The following PML variants were observed in gnomAD, a reference collection of about 807,000 sequenced individuals.
PML encodes protein PML.
In PML, 28 loss-of-function variants were observed where a neutral mutation model predicts 65.2. That is an observed-to-expected ratio of 0.43 (90% CI 0.32 to 0.59). PML has a LOEUF of 0.59. Ranked by LOEUF, PML falls within the 20% of genes least tolerant of loss-of-function variation. The pLI is 0.08. For missense variants in PML, 1,021 were observed against 1,203.4 expected, an observed-to-expected ratio of 0.85 and a Z score of 2.24; for synonymous variants, 500 against 508.8, an observed-to-expected ratio of 0.98 and a Z score of 0.23.
chr15:74,033,789 C>T (rs1259367466), intron 6 of PML: 1 of 574,916 alleles, frequency 1.7e-6, no homozygotes, highest in Non-Finnish European at 3.1e-6. Flanking sequence ...ATGACCTTAA[C>T]TCTGCTCTCT....
At chr15:74,031,917 C>T (rs566028403) in intron 4 of PML, among the ~76,000 whole-genome samples, 2 of 152,166 alleles carry the variant, frequency 1.3e-5, no homozygotes, top group Non-Finnish European at 2.9e-5. Flanking sequence ...ATTATTCCCA[C>T]TTTATAGAGG....
At chr15:74,015,238 C>T (rs1347421843) in intron 2 of PML, among the ~76,000 whole-genome samples, 2 of 152,176 alleles carry the variant, frequency 1.3e-5, no homozygotes, top group Non-Finnish European at 2.9e-5. Context: ...CTAGAATTAC[C>T]CATCTCCTCT....
chr15:74,005,702 C>T (rs1323741110), intron 2 of PML, among the ~76,000 whole-genome samples: 4 of 152,004 alleles, frequency 2.6e-5, no homozygotes, highest in Non-Finnish European at 5.9e-5. Context: ...CTGAAAAACA[C>T]AGTTGGCATT....
chr15:74,003,973 G>A (rs778328256), intron 2 of PML, among the ~76,000 whole-genome samples: 1 of 152,196 alleles, frequency 6.6e-6, no homozygotes, highest in Non-Finnish European at 1.5e-5. Flanking sequence ...CATAATCACA[G>A]TGCTTTCACC....
intron 2 of PML, among the ~76,000 whole-genome samples, chr15:74,002,859 C>T (rs1238405085): frequency 1.3e-5 from 2 of 152,086 alleles, no homozygotes; most frequent in African/African-American, 4.8e-5. Context: ...GATGTGGTGG[C>T]TTCCACCTGT....
At chr15:74,032,185 T>C (rs1419492757) in intron 4 of PML, among the ~76,000 whole-genome samples, 1 of 152,114 alleles carries the variant, frequency 6.6e-6, no homozygotes, top group Non-Finnish European at 1.5e-5. Context: ...CTTCCAGCCC[T>C]GTTAGGACAC....
chr15:74,036,108 T>C (rs2071551064), intron 7 of PML: 1 of 1,613,130 alleles, frequency 6.2e-7, no homozygotes, highest in Non-Finnish European at 8.5e-7. Context: ...TGCATGGACC[T>C]CTGGGCAGGG....
At position 74,045,363 on chromosome 15, in the gene PML, C is replaced by G. The variant is rs1379230113; in HGVS notation, c.*355C>G. On this transcript the variant is annotated 3_prime_UTR_variant, in exon 9 of 9. Coordinates refer to ENST00000268058, the MANE Select transcript of PML (RefSeq NM_033238.3). ...CCTGCCACTACCTTGGGTGTCCTTA[C>G]AGCTCTGCCCTGACCCCAGCCCCTG... The G allele has an allele frequency of 8.9e-6, 3 of 337,976 alleles. No individual in the cohort carries two copies. Among genetic ancestry groups the G allele is most frequent in the Non-Finnish European group, 1.6e-5 (3 of 183,994 alleles). 20.9% of individuals were successfully genotyped at this position (337,976 alleles called of 1,614,324 possible). A position where few individuals can be genotyped will look rare whatever the true frequency, so the allele number is the denominator to read the frequency against.
chr15:74,010,184 A>AGTTTTTTTTT, intron 2 of PML, among the ~76,000 whole-genome samples: 1 of 76,610 alleles, frequency 1.3e-5, no homozygotes, highest in Non-Finnish European at 2.8e-5. Flanking sequence ...ATGCCCAGCT[A>AGTTTTTTTTT]ATTTTTTTTT....
intron 1 of PML, among the ~76,000 whole-genome samples, chr15:73,996,751 G>A (rs2069532360): frequency 6.6e-6 from 1 of 152,222 alleles, no homozygotes; most frequent in South Asian, 2.1e-4. Context: ...ATACTTTGAA[G>A]TGGTGTGTCC....
chr15:74,039,712 T>C (rs1022330453), intron 7 of PML, among the ~76,000 whole-genome samples: 4 of 152,216 alleles, frequency 2.6e-5, no homozygotes, highest in Non-Finnish European at 5.9e-5. Flanking sequence ...CTTAAAGCTA[T>C]GAATGCCTAA....
chr15:73,997,325 C>T (rs1395801007), intron 1 of PML, among the ~76,000 whole-genome samples: 1 of 152,188 alleles, frequency 6.6e-6, no homozygotes, highest in Non-Finnish European at 1.5e-5. Flanking sequence ...ATTCTCCTGC[C>T]TCAGAATCAT....
intron 2 of PML, among the ~76,000 whole-genome samples, chr15:74,001,699 A>G (rs1256188595): frequency 6.6e-6 from 1 of 152,206 alleles, no homozygotes; most frequent in Non-Finnish European, 1.5e-5. Context: ...GTATGCCATA[A>G]CTTTGATAAC....
intron 1 of PML, among the ~76,000 whole-genome samples, chr15:73,997,594 G>A (rs2069567888): frequency 6.6e-6 from 1 of 152,140 alleles, no homozygotes; most frequent in East Asian, 1.9e-4. Flanking sequence ...TACATCTTTT[G>A]GTTATATATC....
chr15:74,023,034 G>A lies in PML; in HGVS notation c.809G>A (p.Arg270His). Residue 270 changes from arginine (R) to histidine (H), a missense_variant, in exon 3 of 9, where the codon CGC becomes CAC. By Grantham distance (29) the Arg-to-His change is conservative (BLOSUM62 0). Coordinates refer to ENST00000268058, the MANE Select transcript of PML (RefSeq NM_033238.3). ...QMHAAVGQLGRARAETEELIR... is the reference protein window; with the variant it reads ...QMHAAVGQLGHARAETEELIR... Reference sequence around the variant, plus strand: ...CACGCGGCCGTCGGCCAGCTGGGCCGCGCGCGTGCCGAGACCGAGGAGCTG... The same window carrying A: ...CACGCGGCCGTCGGCCAGCTGGGCCACGCGCGTGCCGAGACCGAGGAGCTG... The A allele has an allele frequency of 6.2e-7, 1 of 1,605,068 alleles. No individual in the cohort carries two copies.
intron 2 of PML, among the ~76,000 whole-genome samples, chr15:74,019,254 C>G (rs1369092454): frequency 6.6e-6 from 1 of 152,208 alleles, no homozygotes; most frequent in Non-Finnish European, 1.5e-5. Flanking sequence ...CTCTATCCAG[C>G]CAGGCTGCCT....
intron 7 of PML, chr15:74,034,911 G>C: frequency 6.9e-7 from 1 of 1,440,304 alleles, no homozygotes; most frequent in Non-Finnish European, 9.1e-7. Context: ...GGCCAGTGAA[G>C]GGGTGTCAGG....
chr15:74,016,413 T>A (rs1478462815), intron 2 of PML, among the ~76,000 whole-genome samples: 1 of 151,834 alleles, frequency 6.6e-6, no homozygotes, highest in Non-Finnish European at 1.5e-5. Context: ...GAAAAAAAAA[T>A]TAACAGTGTG....
At chr15:73,995,880 G>A (rs868591895) in intron 1 of PML, among the ~76,000 whole-genome samples, 1 of 151,888 alleles carries the variant, frequency 6.6e-6, no homozygotes, top group African/African-American at 2.4e-5. Context: ...TCAGCCTCCC[G>A]AGTAGCTGGG....
Sources: allele counts gnomAD v4.1 joint callset (sites outside exome capture counted in the v4.1 genomes callset), GRCh38; gene constraint gnomAD v4.1.1; transcripts MANE v1.5; gene names NCBI Gene and HGNC (gene_info 2026-07-23, HGNC 2026-07-21).